Variants in ARHGAP6 observed in about 807,000 individuals in gnomAD.
ARHGAP6 encodes rho GTPase-activating protein 6.
ARHGAP6 carries 16 observed loss-of-function variants against 55.7 expected under a neutral mutation model. That is an observed-to-expected ratio of 0.29 (90% confidence interval 0.19 to 0.44). ARHGAP6 has a LOEUF of 0.44. Ranked by LOEUF, ARHGAP6 falls within the 20% of genes least tolerant of loss-of-function variation. The pLI, the probability that ARHGAP6 is intolerant of heterozygous loss-of-function variation, is 1.00. For missense variants in ARHGAP6, 698 were observed against 808.9 expected, an observed-to-expected ratio of 0.86 and a Z score of 1.66; for synonymous variants, 382 against 360.9, an observed-to-expected ratio of 1.06 and a Z score of -0.66.
At chrX:11,158,195 C>G (rs935366479) in intron 9 of ARHGAP6, among the ~76,000 whole-genome samples, 3 of 112,007 alleles carry the variant, frequency 2.7e-5, no homozygotes, top group African/African-American at 6.5e-5. Flanking sequence ...GTCTATTGAG[C>G]ATTCCATTCC....
intron 1 of ARHGAP6, among the ~76,000 whole-genome samples, chrX:11,618,119 G>A (rs1033302065): frequency 3.6e-5 from 4 of 111,348 alleles, no homozygotes; most frequent in African/African-American, 1.3e-4. Context: ...GGAGGAAGGG[G>A]CCACAAACTA....
intron 1 of ARHGAP6, among the ~76,000 whole-genome samples, chrX:11,325,486 T>G: frequency 8.9e-6 from 1 of 112,197 alleles, no homozygotes; most frequent in African/African-American, 3.2e-5. Context: ...CATTTACCAC[T>G]AAATATAATC....
intron 12 of ARHGAP6, among the ~76,000 whole-genome samples, chrX:11,140,435 T>TA (rs2045605967): frequency 1.4e-5 from 1 of 69,352 alleles, no homozygotes; most frequent in Non-Finnish European, 3.1e-5. Flanking sequence ...AAAAAAAAAA[T>TA]TAAAAAAAAA....
chrX:11,569,452 A>G (rs1441365229), intron 1 of ARHGAP6, among the ~76,000 whole-genome samples: 3 of 111,920 alleles, frequency 2.7e-5, no homozygotes, highest in African/African-American at 9.8e-5. Flanking sequence ...TATCAGTGCT[A>G]GTAGGATTTC....
intron 1 of ARHGAP6, among the ~76,000 whole-genome samples, chrX:11,460,857 A>C (rs1432783968): frequency 8.9e-6 from 1 of 112,225 alleles, no homozygotes; most frequent in Admixed American, 9.4e-5. Context: ...AGTGAGAATA[A>C]TAATGGTGTC....
At chrX:11,538,179 G>T (rs2051122667) in intron 1 of ARHGAP6, among the ~76,000 whole-genome samples, 1 of 111,903 alleles carries the variant, frequency 8.9e-6, no homozygotes, top group African/African-American at 3.2e-5. Flanking sequence ...ACTATATCAT[G>T]ATAACAGCAA....
intron 1 of ARHGAP6, among the ~76,000 whole-genome samples, chrX:11,261,671 A>T (rs775834918): frequency 1.3e-4 from 15 of 111,964 alleles, no homozygotes; most frequent in African/African-American, 4.5e-4. Flanking sequence ...TTGTAAAAAC[A>T]TCTTTCTATT....
intron 1 of ARHGAP6, among the ~76,000 whole-genome samples, chrX:11,428,673 C>T (rs1417949248): frequency 2.7e-5 from 3 of 111,637 alleles, no homozygotes; most frequent in Non-Finnish European, 5.7e-5. Flanking sequence ...ACTGAACCGG[C>T]TGAATGACTC....
intron 8 of ARHGAP6, among the ~76,000 whole-genome samples, chrX:11,172,090 A>G (rs1025674793): frequency 1.8e-5 from 2 of 111,108 alleles, no homozygotes; most frequent in African/African-American, 3.3e-5. Context: ...AGGAGTCCCA[A>G]TGAACAGCTG....
chrX:11,645,811 A>G (rs2052520391), intron 1 of ARHGAP6, among the ~76,000 whole-genome samples: 1 of 111,890 alleles, frequency 8.9e-6, no homozygotes. Context: ...GATGGTAGGA[A>G]GGGTCTATAT....
chrX:11,322,567 C>T (rs771761190), intron 1 of ARHGAP6, among the ~76,000 whole-genome samples: 1 of 111,610 alleles, frequency 9.0e-6, no homozygotes. Context: ...ACCATGTTGG[C>T]CAGGCTGGTT....
chrX:11,298,845 C>T, intron 1 of ARHGAP6: 2 of 1,210,904 alleles, frequency 1.7e-6, no homozygotes, highest in South Asian at 1.8e-5. Flanking sequence ...ACCTGTGCAC[C>T]CCATGCAGCC....
At chrX:11,501,414 A>G (rs887180119) in intron 1 of ARHGAP6, among the ~76,000 whole-genome samples, 1 of 112,069 alleles carries the variant, frequency 8.9e-6, no homozygotes, top group Non-Finnish European at 1.9e-5. Context: ...CTTACAAAAC[A>G]AAACAGGTCT....
At chrX:11,394,547 G>A (rs1229242814) in intron 1 of ARHGAP6, among the ~76,000 whole-genome samples, 1 of 111,660 alleles carries the variant, frequency 9.0e-6, no homozygotes, top group African/African-American at 3.3e-5. Context: ...CTTCAATAAA[G>A]TTATTTTAAA....
intron 1 of ARHGAP6, chrX:11,427,574 C>G (rs769096768): frequency 8.8e-6 from 8 of 912,406 alleles, no homozygotes; most frequent in East Asian, 1.1e-4. Context: ...GGCTTCTCGC[C>G]GCGGTACACC....
intron 1 of ARHGAP6, among the ~76,000 whole-genome samples, chrX:11,591,642 T>TG (rs2051836211): frequency 9.0e-6 from 1 of 111,621 alleles, no homozygotes; most frequent in South Asian, 3.7e-4. Context: ...TTGACCATAA[T>TG]GGGCAAATCC....
intron 1 of ARHGAP6, among the ~76,000 whole-genome samples, chrX:11,472,767 T>C (rs2050360866): frequency 9.0e-6 from 1 of 111,249 alleles, no homozygotes; most frequent in Admixed American, 9.5e-5. Context: ...ACTGAACAGA[T>C]CTGTCACATG....
intron 1 of ARHGAP6, among the ~76,000 whole-genome samples, chrX:11,330,143 C>T (rs1040005829): frequency 8.8e-5 from 10 of 113,088 alleles, no homozygotes; most frequent in Non-Finnish European, 1.5e-4. Flanking sequence ...TTCCACCAAG[C>T]TGGTGAGGCT....
chrX:11,378,872 T>C (rs1476640350), intron 1 of ARHGAP6, among the ~76,000 whole-genome samples: 1 of 112,949 alleles, frequency 8.9e-6, no homozygotes, highest in Non-Finnish European at 1.9e-5. Flanking sequence ...AAGCGTGTTC[T>C]ACTTCACTCA....
Sources: allele counts gnomAD v4.1 joint callset (sites outside exome capture counted in the v4.1 genomes callset), GRCh38; gene constraint gnomAD v4.1.1; transcripts MANE v1.5; gene names NCBI Gene and HGNC (gene_info 2026-07-23, HGNC 2026-07-21).